SPOCK1: variants seen among roughly 807,000 people sequenced by gnomAD.
The protein encoded by SPOCK1 is testican-1.
Under a neutral mutation model 55.3 loss-of-function variants are expected in SPOCK1, and 23 were observed. That is an observed-to-expected ratio of 0.42 (90% CI 0.30 to 0.59). The LOEUF (loss-of-function observed/expected upper bound fraction) is 0.59. Among genes scored for constraint, SPOCK1 ranks in the 20% least tolerant of loss-of-function variants. The pLI, the probability that SPOCK1 is intolerant of heterozygous loss-of-function variation, is 0.22. For synonymous variants in SPOCK1, 226 were observed against 221.0 expected (o/e 1.02, Z -0.20); for missense variants, 499 against 552.5 (o/e 0.90, Z 0.97).
chr5:137,141,856 T>G (rs1754105650), intron 3 of SPOCK1, among the ~76,000 whole-genome samples: 1 of 152,084 alleles, frequency 6.6e-6, no homozygotes, highest in African/African-American at 2.4e-5. Flanking sequence ...GGGGAGTTGA[T>G]TCCAACAAAG....
In SPOCK1 at chr5:137,290,899, G is replaced by C. The variant is rs139575009; in HGVS notation, c.187-23844C>G. The stretch of plus-strand genomic sequence containing the variant: ...GGGAAGCCTAGTACTGGCACAAGTA[G>C]TAATTAACATATTGATCGCTTACTA... On this transcript the variant is annotated intron_variant, in intron 2 of 10. Transcript: ENST00000394945. 4.5e-3 allele frequency among the ~76,000 whole-genome samples: 678 copies of C among 152,312 alleles called. 3 individuals carry two copies. Among genetic ancestry groups the C allele is most frequent in the African/African-American group, 0.016 (645 of 41,578 alleles).
chr5:137,116,036 T>C (rs1030353270), intron 4 of SPOCK1, among the ~76,000 whole-genome samples: 3 of 152,176 alleles, frequency 2.0e-5, no homozygotes, highest in African/African-American at 7.2e-5. Context: ...AACAATTTAG[T>C]CTGAGAGCAG....
At chr5:137,048,786 T>A (rs1752147042) in intron 6 of SPOCK1, among the ~76,000 whole-genome samples, 1 of 116,974 alleles carries the variant, frequency 8.5e-6, no homozygotes, top group South Asian at 3.6e-4. Context: ...TATCGGTTGT[T>A]CCTTTCCATG....
At chr5:137,204,819 C>T (rs182586223) in intron 3 of SPOCK1, among the ~76,000 whole-genome samples, 5 of 152,256 alleles carry the variant, frequency 3.3e-5, no homozygotes, top group African/African-American at 7.2e-5. Flanking sequence ...TCTCATATCC[C>T]GCTCTTTTCC....
intron 6 of SPOCK1, among the ~76,000 whole-genome samples, chr5:137,057,319 A>G (rs1752319868): frequency 6.6e-6 from 1 of 152,096 alleles, no homozygotes; most frequent in Non-Finnish European, 1.5e-5. Context: ...CTTTTACTTC[A>G]GTCTCTTCAG....
intron 3 of SPOCK1, among the ~76,000 whole-genome samples, chr5:137,262,511 T>C (rs1264737403): frequency 6.6e-6 from 1 of 152,250 alleles, no homozygotes; most frequent in East Asian, 1.9e-4. Context: ...GGACCTTGGA[T>C]GGATGTCTCT....
chr5:137,010,872 G>A (rs1421168599), intron 6 of SPOCK1, among the ~76,000 whole-genome samples: 1 of 152,122 alleles, frequency 6.6e-6, no homozygotes, highest in Admixed American at 6.6e-5. Context: ...GCTTAGCCTG[G>A]TAGCAGCCTG....
At position 137,349,766 on chromosome 5, in the gene SPOCK1, T is replaced by A. The variant is rs577005657; in HGVS notation, c.187-82711A>T. Among the ~76,000 whole-genome samples, 29 of 152,200 alleles carry A rather than the reference T, an allele frequency of 1.9e-4. No individual in the cohort carries two copies. In the East Asian group the frequency reaches 1.9e-3, roughly 10 times the overall value. On this transcript the variant is annotated intron_variant, in intron 2 of 10. Coordinates refer to ENST00000394945, the MANE Select transcript of SPOCK1 (RefSeq NM_004598.4). Reference sequence around the variant, plus strand: ...TGGTGTTCTCTCTGTGTCTTCACACTCTTCTCTCTCTGCATGTCTGTCTCT... The same window carrying A: ...TGGTGTTCTCTCTGTGTCTTCACACACTTCTCTCTCTGCATGTCTGTCTCT...
At chr5:137,117,491 T>A (rs1179914337) in intron 4 of SPOCK1, among the ~76,000 whole-genome samples, 2 of 152,156 alleles carry the variant, frequency 1.3e-5, no homozygotes, top group Admixed American at 6.5e-5. Context: ...TTAAGAGAGG[T>A]GACTGGGCCT....
chr5:137,115,535 C>T (rs753015885), intron 4 of SPOCK1, among the ~76,000 whole-genome samples: 2 of 152,158 alleles, frequency 1.3e-5, no homozygotes, highest in African/African-American at 2.4e-5. Flanking sequence ...TGCAGAGCAG[C>T]AAGCTGGACA....
intron 6 of SPOCK1, among the ~76,000 whole-genome samples, chr5:137,015,167 C>T (rs1017266796): frequency 1.3e-5 from 2 of 152,008 alleles, no homozygotes; most frequent in Admixed American, 1.3e-4. Flanking sequence ...GCAGGCCAGG[C>T]ACGGTGGCCC....
chr5:137,012,454 C>T (rs999199198), intron 6 of SPOCK1, among the ~76,000 whole-genome samples: 3 of 152,148 alleles, frequency 2.0e-5, no homozygotes, highest in South Asian at 2.1e-4. Flanking sequence ...CATGCAATTC[C>T]AAGTGATAGA....
chr5:137,164,103 G>A (rs1477996483), intron 3 of SPOCK1, among the ~76,000 whole-genome samples: 2 of 152,138 alleles, frequency 1.3e-5, no homozygotes, highest in African/African-American at 4.8e-5. Flanking sequence ...ATTGCTTGCT[G>A]CCCCATAAAT....
intron 5 of SPOCK1, among the ~76,000 whole-genome samples, chr5:137,095,228 A>C (rs1286036547): frequency 6.6e-6 from 1 of 152,210 alleles, no homozygotes; most frequent in East Asian, 1.9e-4. Flanking sequence ...TAAAGTTTGA[A>C]ATATTGCAAG....
chr5:137,094,451 A>G (rs577999347), intron 5 of SPOCK1, among the ~76,000 whole-genome samples: 1 of 152,198 alleles, frequency 6.6e-6, no homozygotes, highest in South Asian at 2.1e-4. Flanking sequence ...AAAGTGAGTT[A>G]CTCAAATTTT....
intron 2 of SPOCK1, among the ~76,000 whole-genome samples, chr5:137,468,472 T>C (rs1223074868): frequency 6.6e-6 from 1 of 152,212 alleles, no homozygotes; most frequent in Non-Finnish European, 1.5e-5. Context: ...TGAAATCTGA[T>C]GTATTTGTAC....
intron 4 of SPOCK1, among the ~76,000 whole-genome samples, chr5:137,126,041 C>A (rs1291818597): frequency 6.6e-6 from 1 of 152,152 alleles, no homozygotes; most frequent in Non-Finnish European, 1.5e-5. Context: ...CAAGTTTGAT[C>A]CCCAGTGTTG....
At chr5:137,399,490 A>C (rs1319848236) in intron 2 of SPOCK1, among the ~76,000 whole-genome samples, 1 of 152,090 alleles carries the variant, frequency 6.6e-6, no homozygotes, top group Non-Finnish European at 1.5e-5. Context: ...TATACTCATG[A>C]AACTATCACC....
rs77746860 is a variant in SPOCK1 at position 137,091,925 on chromosome 5, A to G, written c.474+20510T>C. Among the ~76,000 whole-genome samples the G allele has an allele frequency of 4.6e-5, 7 of 152,208 alleles. No individual in the cohort carries two copies. In the East Asian group the frequency reaches 1.4e-3, roughly 29 times the overall value. ...CACCAAGACTAGAAAGAATCCCCAA[A>G]GTGCTCAATTATGTCAGTTCCTTAT... On this transcript the variant is annotated intron_variant, in intron 5 of 10. Coordinates refer to ENST00000394945, the MANE Select transcript of SPOCK1 (RefSeq NM_004598.4).
Sources: allele counts gnomAD v4.1 joint callset (sites outside exome capture counted in the v4.1 genomes callset), GRCh38; gene constraint gnomAD v4.1.1; transcripts MANE v1.5; gene names NCBI Gene and HGNC (gene_info 2026-07-23, HGNC 2026-07-21).